Variants in CEP89 observed in about 807,000 individuals in gnomAD.
CEP89 encodes centrosomal protein 89, also known as centrosomal protein of 89 kDa.
In CEP89, 95 loss-of-function variants were observed where a neutral mutation model predicts 97.6. The ratio of observed to expected loss-of-function variants is 0.97; its 90% confidence interval spans 0.82 to 1.15. CEP89 has a LOEUF of 1.15. Among genes scored for constraint, CEP89 ranks in the 50% most tolerant of loss-of-function variants. The probability of loss-of-function intolerance (pLI) is 0.00; values close to 1 mark genes in which losing one functional copy is unlikely to be tolerated. For synonymous variants in CEP89, 354 were observed against 349.1 expected, an observed-to-expected ratio of 1.01 and a Z score of -0.16; for missense variants, 869 against 947.7, an observed-to-expected ratio of 0.92 and a Z score of 1.09.
At chr19:32,889,545 ACAGT>A (rs1940343403) in intron 16 of CEP89, among the ~76,000 whole-genome samples, 1 of 152,164 alleles carries the variant, frequency 6.6e-6, no homozygotes, top group Non-Finnish European at 1.5e-5. Context: ...ATATCTGGAG[ACAGT>A]CAGTGGCCTC....
chr19:32,933,770 C>A, intron 7 of CEP89, 101 bp from the exon 8 acceptor site: 3 of 784,124 alleles, frequency 3.8e-6, no homozygotes, highest in Non-Finnish European at 2.2e-6. Context: ...AGGCCTGGTG[C>A]CATGTTCTTT....
chr19:32,970,059 C>T (rs981900681), intron 1 of CEP89: 1 of 152,356 alleles, frequency 6.6e-6, no homozygotes, highest in Non-Finnish European at 1.5e-5. Flanking sequence ...TGCGCAGAGT[C>T]CCTGTGCTTC....
chr19:32,880,427 C>T lies in CEP89; in HGVS notation c.2136-1049G>A, dbSNP rs570996933. 3.3e-5 allele frequency among the ~76,000 whole-genome samples: 5 copies of T among 152,118 alleles called. No homozygotes were observed. In the South Asian group the frequency reaches 1.0e-3, roughly 32 times the overall value. On this transcript the variant is annotated intron_variant, in intron 18 of 18. Transcript: ENST00000305768. ...TAAGAACAACTTAATTAAACTATGT[C>T]TAAAAAAGCCCCAGCCTGGGCAACA...
At chr19:32,963,635 G>T (rs1194219242) in intron 2 of CEP89, 2 of 152,152 alleles carry the variant, frequency 1.3e-5, no homozygotes, top group Non-Finnish European at 2.9e-5. Context: ...TACACAAAGA[G>T]ATCTGGAAAT....
intron 14 of CEP89, among the ~76,000 whole-genome samples, chr19:32,905,491 A>AT (rs71176166): frequency 0.23 from 34,553 of 150,382 alleles, 4,151 homozygotes; most frequent in African/African-American, 0.3. Context: ...TCAAAGGAAG[A>AT]TTTTTTTTTT....
At chr19:32,900,299 G>A (rs2145886999) in intron 15 of CEP89, among the ~76,000 whole-genome samples, 1 of 148,470 alleles carries the variant, frequency 6.7e-6, no homozygotes, top group African/African-American at 2.5e-5. Context: ...AGGCTGGAGT[G>A]CGGTGGCATG....
chr19:32,885,156 C>A (rs1239248143), intron 17 of CEP89, among the ~76,000 whole-genome samples: 1 of 152,356 alleles, frequency 6.6e-6, no homozygotes, highest in Admixed American at 6.5e-5. Context: ...CTTCCTTCCC[C>A]CTTTGCCCAT....
At position 32,876,015 on chromosome 19, in the gene CEP89, C is replaced by T. The variant is rs1193904674; in HGVS notation, c.*3147G>A. ...ACAGTTCAGTGGCGTTAAGGGCATT[C>T]AGGACAGCTCTCATGACAGACTCAC... is the stretch of plus-strand genomic sequence containing the variant. On this transcript the variant is annotated 3_prime_UTR_variant, in exon 19 of 19. Transcript: ENST00000305768. The T allele has an allele frequency of 6.6e-6, 1 of 152,270 alleles. No homozygotes were observed. Among genetic ancestry groups the T allele is most frequent in the Non-Finnish European group, 1.5e-5 (1 of 68,092 alleles). 9.4% of individuals were successfully genotyped at this position (152,270 alleles called of 1,614,324 possible).
chr19:32,935,885 G>C (rs1005234891), intron 7 of CEP89, among the ~76,000 whole-genome samples: 3 of 152,150 alleles, frequency 2.0e-5, no homozygotes, highest in African/African-American at 7.2e-5. Flanking sequence ...CGAAGTGCCT[G>C]ATCCCACTGC....
intron 5 of CEP89, among the ~76,000 whole-genome samples, chr19:32,941,779 C>T (rs1449115956): frequency 1.3e-5 from 2 of 152,094 alleles, no homozygotes; most frequent in South Asian, 4.1e-4. Flanking sequence ...CCTTAGCACC[C>T]CAGACTACGG....
intron 2 of CEP89, among the ~76,000 whole-genome samples, chr19:32,964,379 C>T (rs1015618662): frequency 6.6e-6 from 1 of 152,138 alleles, no homozygotes; most frequent in African/African-American, 2.4e-5. Context: ...ACCGTGTTGA[C>T]CAGGCTGGTC....
intron 13 of CEP89, among the ~76,000 whole-genome samples, chr19:32,916,640 C>T (rs1970132325): frequency 6.6e-6 from 1 of 152,106 alleles, no homozygotes; most frequent in South Asian, 2.1e-4. Flanking sequence ...TGTAATAATT[C>T]CCAAGCGTCT....
intron 5 of CEP89, 24 bp downstream of exon 5, chr19:32,948,242 A>C (rs562252714): frequency 5.1e-6 from 7 of 1,382,088 alleles, no homozygotes; most frequent in Middle Eastern, 2.5e-4. Flanking sequence ...ATATTTTATA[A>C]AAATTGTGGT....
At position 32,923,520 on chromosome 19, in the gene CEP89, A is replaced by G. The variant is rs1970295061; in HGVS notation, c.1187T>C (p.Met396Thr). 6.2e-7 allele frequency: 1 copy of G among 1,600,666 alleles called. No homozygotes were observed. Among genetic ancestry groups the G allele is most frequent in the Admixed American group, 1.7e-5 (1 of 59,868 alleles). ...TTCTTTCACCACTTCTTGGACTCGC[A>G]TCCTAAACATTCTCATTTCCTCCTG... ...TLKEEMRMFR[M>T]RVQEVVKENE... Residue 396 changes from methionine (M) to threonine (T), a missense_variant, in exon 12 of 19, where the codon ATG becomes ACG. Physicochemically the swap from Met to Thr is moderately conservative, Grantham distance 81. Coordinates refer to ENST00000305768, the MANE Select transcript of CEP89 (RefSeq NM_032816.5).
At chr19:32,909,336 A>G (rs566209554) in intron 14 of CEP89, among the ~76,000 whole-genome samples, 1 of 152,282 alleles carries the variant, frequency 6.6e-6, no homozygotes, top group East Asian at 1.9e-4. Context: ...CACCTTATCT[A>G]TATACACAGA....
At chr19:32,881,101 C>T (rs150608334) in intron 18 of CEP89, among the ~76,000 whole-genome samples, 95 of 152,286 alleles carry the variant, frequency 6.2e-4, no homozygotes, top group African/African-American at 2.2e-3. Flanking sequence ...TACACTGTTC[C>T]CCATGAGTGG....
At chr19:32,966,150 T>C in intron 2 of CEP89, 1 of 393,908 alleles carries the variant, frequency 2.5e-6, no homozygotes, top group East Asian at 3.6e-5. Flanking sequence ...GAGAAGTTCA[T>C]GCACCTGAAA....
chr19:32,879,642 G>A (rs1969237822), intron 18 of CEP89, among the ~76,000 whole-genome samples: 1 of 152,192 alleles, frequency 6.6e-6, no homozygotes, highest in Non-Finnish European at 1.5e-5. Context: ...GACGGCACAG[G>A]CATTTCTCTT....
At chr19:32,902,872 C>T (rs944014978) in intron 14 of CEP89, among the ~76,000 whole-genome samples, 9 of 152,278 alleles carry the variant, frequency 5.9e-5, no homozygotes, top group African/African-American at 2.2e-4. Context: ...CAATTTCTGA[C>T]ATGCACAAAG....
Sources: allele counts gnomAD v4.1 joint callset (sites outside exome capture counted in the v4.1 genomes callset), GRCh38; gene constraint gnomAD v4.1.1; transcripts MANE v1.5; gene names NCBI Gene and HGNC (gene_info 2026-07-23, HGNC 2026-07-21).